CTIF: variants seen among roughly 807,000 people sequenced by gnomAD.
CTIF encodes cap binding complex dependent translation initiation factor.
A neutral mutation model predicts 66.0 loss-of-function variants in CTIF; 21 were observed. The ratio of observed to expected loss-of-function variants is 0.32; its 90% confidence interval spans 0.23 to 0.46. The LOEUF (loss-of-function observed/expected upper bound fraction) is 0.46, where lower values mean the gene tolerates loss of function less well. Among genes scored for constraint, CTIF ranks in the 20% least tolerant of loss-of-function variants. CTIF has a pLI of 1.00. For missense variants in CTIF, 739 were observed against 812.7 expected, an observed-to-expected ratio of 0.91 and a Z score of 1.10; for synonymous variants, 345 against 326.4, an observed-to-expected ratio of 1.06 and a Z score of -0.62.
intron 1 of CTIF, among the ~76,000 whole-genome samples, chr18:48,561,695 T>C (rs914431072): frequency 1.3e-5 from 2 of 152,220 alleles, no homozygotes; most frequent in African/African-American, 4.8e-5. Flanking sequence ...ACAGTGGAAG[T>C]GTGTCTATAT....
chr18:48,686,085 A>T (rs2091836052), intron 6 of CTIF, among the ~76,000 whole-genome samples: 1 of 152,232 alleles, frequency 6.6e-6, no homozygotes, highest in Non-Finnish European at 1.5e-5. Flanking sequence ...AAATTTTAGC[A>T]TTCCTTAATG....
intron 4 of CTIF, 22 bp downstream of exon 4, chr18:48,663,847 C>T: frequency 6.2e-7 from 1 of 1,610,634 alleles, no homozygotes; most frequent in East Asian, 2.2e-5. Flanking sequence ...CTCCCTCCTT[C>T]CCTGTGGTGT....
At chr18:48,629,414 T>C (rs777132378) in intron 2 of CTIF, among the ~76,000 whole-genome samples, 3 of 152,206 alleles carry the variant, frequency 2.0e-5, no homozygotes, top group Non-Finnish European at 4.4e-5. Flanking sequence ...TCTCTAAATA[T>C]ATCTTATGAT....
chr18:48,746,034 C>G (rs2092593445), intron 7 of CTIF, among the ~76,000 whole-genome samples: 1 of 152,160 alleles, frequency 6.6e-6, no homozygotes, highest in Non-Finnish European at 1.5e-5. Flanking sequence ...GGAGGCAGTC[C>G]CAGAAGGGTG....
intron 6 of CTIF, chr18:48,673,814 T>A (rs1329799422): frequency 6.6e-6 from 1 of 152,266 alleles, no homozygotes; most frequent in Non-Finnish European, 1.5e-5. Flanking sequence ...TACAATTTTT[T>A]GTTTTAGCTC....
intron 1 of CTIF, among the ~76,000 whole-genome samples, chr18:48,608,934 C>G (rs1469181826): frequency 2.0e-5 from 3 of 152,200 alleles, no homozygotes. Flanking sequence ...CTTGGATGCC[C>G]TTTCTAGCCT....
In CTIF at chr18:48,750,940, T is replaced by A. The variant is rs146572485; in HGVS notation, c.585-6979T>A. On this transcript the variant is annotated intron_variant, in intron 7 of 11. Transcript: ENST00000256413. ...AGGGCACACATTCGGGGCCAAACTATATAAGTTCAAACCCAGGCTCTGCTT... is the reference window on the plus strand; with the variant it reads ...AGGGCACACATTCGGGGCCAAACTAAATAAGTTCAAACCCAGGCTCTGCTT... Among the ~76,000 whole-genome samples, 553 of 152,344 alleles carry A rather than the reference T, an allele frequency of 3.6e-3. 3 individuals carry two copies. Among genetic ancestry groups the A allele is most frequent in the African/African-American group, 0.013 (528 of 41,582 alleles).
At chr18:48,609,629 C>T (rs535157179) in intron 1 of CTIF, among the ~76,000 whole-genome samples, 2 of 152,142 alleles carry the variant, frequency 1.3e-5, no homozygotes, top group East Asian at 1.9e-4. Context: ...AACCCAGACT[C>T]GGGACCCATA....
chr18:48,825,995 T>C (rs1413643796), intron 10 of CTIF: 3 of 152,170 alleles, frequency 2.0e-5, no homozygotes, highest in Non-Finnish European at 4.4e-5. Context: ...CCAAAAACCC[T>C]TGGGTGAGGG....
chr18:48,598,786 G>A (rs912128207), intron 1 of CTIF, among the ~76,000 whole-genome samples: 2 of 152,192 alleles, frequency 1.3e-5, no homozygotes, highest in Non-Finnish European at 2.9e-5. Context: ...GAAGTATTCA[G>A]CATGGGCCAA....
In CTIF at chr18:48,569,899, A is replaced by C. The variant is rs1445435156; in HGVS notation, c.-29+30587A>C. Among the ~76,000 whole-genome samples, 5 of 152,166 alleles carry C rather than the reference A, an allele frequency of 3.3e-5. No individual in the cohort carries two copies. In the East Asian group the frequency reaches 9.6e-4, roughly 29 times the overall value. The stretch of plus-strand genomic sequence containing the variant: ...ATTGGCTTCGATCTATTCCAGCAGC[A>C]ATCTTACCTTGTCCTTCTTTATCTC... On this transcript the variant is annotated intron_variant, in intron 1 of 11. Coordinates refer to ENST00000256413, the MANE Select transcript of CTIF (RefSeq NM_014772.3).
intron 10 of CTIF, among the ~76,000 whole-genome samples, chr18:48,854,845 C>T (rs2069289337): frequency 6.6e-6 from 1 of 152,138 alleles, no homozygotes; most frequent in Non-Finnish European, 1.5e-5. Flanking sequence ...ATTGCTCGAG[C>T]CTAAGAGTTT....
intron 6 of CTIF, among the ~76,000 whole-genome samples, chr18:48,680,940 G>A (rs8097142): frequency 0.014 from 2,161 of 152,340 alleles, 57 homozygotes; most frequent in African/African-American, 0.05. Context: ...TCTGTCACTG[G>A]GAGCAGTGGT....
At chr18:48,700,691 G>A (rs750648353) in intron 6 of CTIF, among the ~76,000 whole-genome samples, 10 of 152,182 alleles carry the variant, frequency 6.6e-5, no homozygotes, top group Non-Finnish European at 1.0e-4. Context: ...TAACCTCAGA[G>A]CCTCTGTTCA....
chr18:48,855,406 A>G (rs542717778), intron 10 of CTIF, among the ~76,000 whole-genome samples: 4 of 152,348 alleles, frequency 2.6e-5, no homozygotes, highest in South Asian at 2.1e-4. Context: ...AAATGTGCCA[A>G]AATGCTTCTC....
At chr18:48,675,069 G>A (rs2091603571) in intron 6 of CTIF, among the ~76,000 whole-genome samples, 1 of 150,386 alleles carries the variant, frequency 6.6e-6, no homozygotes, top group South Asian at 2.1e-4. Context: ...GGAGTGGGTG[G>A]GAGATGGGGG....
chr18:48,567,635 T>A (rs1467177170), intron 1 of CTIF: 2 of 152,258 alleles, frequency 1.3e-5, no homozygotes, highest in African/African-American at 4.8e-5. Flanking sequence ...AGAGAAGGCT[T>A]CCTGGAGGAG....
intron 1 of CTIF, among the ~76,000 whole-genome samples, chr18:48,588,686 A>G (rs2089824614): frequency 6.6e-6 from 1 of 151,826 alleles, no homozygotes; most frequent in East Asian, 1.9e-4. Flanking sequence ...CTGGCCTCCT[A>G]CAGTCTCTCC....
At chr18:48,733,318 G>T (rs553541762) in intron 7 of CTIF, among the ~76,000 whole-genome samples, 4 of 152,306 alleles carry the variant, frequency 2.6e-5, no homozygotes, top group Admixed American at 2.0e-4. Flanking sequence ...TAATGATGGT[G>T]CTGGGCCCCT....
Sources: allele counts gnomAD v4.1 joint callset (sites outside exome capture counted in the v4.1 genomes callset), GRCh38; gene constraint gnomAD v4.1.1; transcripts MANE v1.5; gene names NCBI Gene and HGNC (gene_info 2026-07-23, HGNC 2026-07-21).